The following KANK1 variants were observed in gnomAD, a reference collection of about 807,000 sequenced individuals.
KANK1 encodes KN motif and ankyrin repeat domain-containing protein 1.
A neutral mutation model predicts 106.2 loss-of-function variants in KANK1; 109 were observed. The observed-to-expected ratio is 1.03, with a 90% CI of 0.88 to 1.20. The LOEUF is 1.20. Among genes scored for constraint, KANK1 ranks in the 50% most tolerant of loss-of-function variants. The pLI, the probability that KANK1 is intolerant of heterozygous loss-of-function variation, is 0.00. For synonymous variants in KANK1, 873 were observed against 652.2 expected, an observed-to-expected ratio of 1.34 and a Z score of -5.16; for missense variants, 2,399 against 1,710.7, an observed-to-expected ratio of 1.40 and a Z score of -7.10.
At chr9:710,704 A>C in intron 2 of KANK1, 100 bp from the exon 3 acceptor site, 4 of 1,163,746 alleles carry the variant, frequency 3.4e-6, no homozygotes, top group Non-Finnish European at 4.8e-6. Context: ...GTCAACTCTT[A>C]AAATCATACC....
At chr9:659,374 A>T (rs1842817098) in intron 1 of KANK1, among the ~76,000 whole-genome samples, 1 of 152,126 alleles carries the variant, frequency 6.6e-6, no homozygotes, top group Non-Finnish European at 1.5e-5. Flanking sequence ...GCGGGTTATC[A>T]AAATGCAGAT....
rs560940961 is a variant in KANK1 at position 687,002 on chromosome 9, A to G, written c.37+9993A>G. ...TTGTCCCTGGATGCTTTGAGATGAG[A>G]CTTTGCAGATACTGCTGAATTTCTT... On this transcript the variant is annotated intron_variant, in intron 2 of 11. Coordinates refer to ENST00000382297, the MANE Select transcript of KANK1 (RefSeq NM_015158.5). The G allele has an allele frequency of 1.2e-3, 1,040 of 865,240 alleles. 1 individual carries two copies. The highest frequency in any genetic ancestry group is 1.4e-3 in the Non-Finnish European group (1,006 of 722,264). The allele number at this position is 865,240 out of a possible 1,614,324, so 53.6% of individuals were successfully genotyped here.
At chr9:680,470 A>G (rs1289570764) in intron 2 of KANK1, among the ~76,000 whole-genome samples, 1 of 152,228 alleles carries the variant, frequency 6.6e-6, no homozygotes, top group African/African-American at 2.4e-5. Flanking sequence ...GTATTATGCC[A>G]CACTTCAGAC....
intron 3 of KANK1, chr9:492,046 A>T (rs1015195587): frequency 6.6e-6 from 1 of 152,192 alleles, no homozygotes; most frequent in African/African-American, 2.4e-5. Context: ...GTATGTCTTT[A>T]TCAACAGTGT....
chr9:706,761 G>T, intron 2 of KANK1: 1 of 985,348 alleles, frequency 1.0e-6, no homozygotes, highest in Non-Finnish European at 1.2e-6. Flanking sequence ...TCTGGAACCA[G>T]TGAGTGCTGC....
chr9:740,667 G>A, intron 8 of KANK1, 125 bp from the exon 9 acceptor site: 1 of 1,064,770 alleles, frequency 9.4e-7, no homozygotes, highest in Admixed American at 2.6e-5. Flanking sequence ...AGTCACTCTT[G>A]GTCTCCAGCC....
chr9:532,999 C>T (rs1327535941), intron 1 of KANK1, among the ~76,000 whole-genome samples: 10 of 152,158 alleles, frequency 6.6e-5, no homozygotes, highest in South Asian at 6.2e-4. Flanking sequence ...TGTTGCTGGT[C>T]GGAACAGTTT....
At chr9:620,088 C>T (rs563653443) in intron 1 of KANK1, among the ~76,000 whole-genome samples, 1 of 151,720 alleles carries the variant, frequency 6.6e-6, no homozygotes, top group Non-Finnish European at 1.5e-5. Flanking sequence ...GCCAAGATCA[C>T]ACCACTGCAC....
At chr9:510,308 C>G (rs1049136332) in intron 1 of KANK1, among the ~76,000 whole-genome samples, 1 of 151,994 alleles carries the variant, frequency 6.6e-6, no homozygotes, top group African/African-American at 2.4e-5. Flanking sequence ...AGGTATTGAG[C>G]CAAGAGCTTG....
chr9:713,859 A>G (rs1189369369), intron 3 of KANK1, among the ~76,000 whole-genome samples: 1 of 152,244 alleles, frequency 6.6e-6, no homozygotes, highest in Non-Finnish European at 1.5e-5. Context: ...TATATTAGCA[A>G]TTGAAATACT....
intron 2 of KANK1, among the ~76,000 whole-genome samples, chr9:696,891 GC>G (rs1263735324): frequency 2.0e-5 from 3 of 152,180 alleles, no homozygotes; most frequent in Non-Finnish European, 4.4e-5. Context: ...TCTGGGCTGT[GC>G]TCCCTAGTGG....
chr9:703,094 C>A (rs1024777065), intron 2 of KANK1, among the ~76,000 whole-genome samples: 1 of 152,048 alleles, frequency 6.6e-6, no homozygotes, highest in Non-Finnish European at 1.5e-5. Context: ...CAGGTTCAAG[C>A]GATTCTCCTG....
intron 2 of KANK1, chr9:707,284 T>A (rs1564024670): frequency 1.0e-6 from 1 of 963,418 alleles, no homozygotes; most frequent in African/African-American, 1.8e-5. Context: ...CGGCCACCGC[T>A]GGCCGAATTC....
intron 3 of KANK1, 87 bp downstream of exon 3, chr9:713,551 A>C: frequency 1.4e-6 from 2 of 1,420,820 alleles, no homozygotes; most frequent in Non-Finnish European, 1.9e-6. Flanking sequence ...TAACTGCTGG[A>C]ACCATTTTTG....
intron 1 of KANK1, among the ~76,000 whole-genome samples, chr9:583,339 T>TAC (rs1190448175): frequency 6.6e-6 from 1 of 152,214 alleles, no homozygotes; most frequent in Non-Finnish European, 1.5e-5. Context: ...ACTGAGAGGA[T>TAC]ACGGGACCTT....
intron 1 of KANK1, chr9:673,385 G>A (rs1455638917): frequency 6.6e-6 from 1 of 151,968 alleles, no homozygotes; most frequent in Non-Finnish European, 1.5e-5. Context: ...AATTTTTGTA[G>A]TTGTAGTAGA....
chr9:526,618 T>C (rs1182064446), intron 1 of KANK1, among the ~76,000 whole-genome samples: 3 of 151,828 alleles, frequency 2.0e-5, no homozygotes, highest in Non-Finnish European at 4.4e-5. Context: ...TGTCTTCTCA[T>C]ACTTCAAAAA....
At chr9:545,663 C>G (rs1050971578) in intron 1 of KANK1, among the ~76,000 whole-genome samples, 1 of 149,366 alleles carries the variant, frequency 6.7e-6, no homozygotes, top group African/African-American at 2.5e-5. Context: ...CAAGAACTTT[C>G]AGGGACTTCA....
rs144629161 is a variant in KANK1, at chr9:712,178, G to C, written c.1412G>C (p.Arg471Pro). The change falls in exon 3 of 12, where the codon CGC (arginine) becomes CCC (proline). Residue 471 changes from arginine (R) to proline (P), a missense_variant. Arg to Pro is a moderately radical substitution (Grantham distance 103). Coordinates refer to ENST00000382297, the MANE Select transcript of KANK1 (RefSeq NM_015158.5). ...TIESLKEKIYRLEVQLRETTH... is the reference protein window; with the variant it reads ...TIESLKEKIYPLEVQLRETTH... ...GAATCCTTGAAGGAAAAGATCTATC[G>C]CCTAGAAGTACAGCTTAGAGAAACC... The C allele has an allele frequency of 2.5e-6, 4 of 1,614,082 alleles. No homozygotes were observed. The highest frequency in any genetic ancestry group is 2.7e-5 in the African/African-American group (2 of 75,044).
Sources: gnomAD v4.1 joint callset for allele counts (sites outside exome capture counted in the v4.1 genomes callset) on GRCh38, gnomAD v4.1.1 for gene constraint, MANE v1.5 for transcripts, NCBI Gene and HGNC (gene_info 2026-07-23, HGNC 2026-07-21) for gene names.